Variants in ROBO2 observed in about 807,000 individuals in gnomAD.
ROBO2 encodes the protein roundabout homolog 2.
Under a neutral mutation model 160.8 loss-of-function variants are expected in ROBO2, and 53 were observed. The observed-to-expected ratio is 0.33, with a 90% CI of 0.26 to 0.41. The LOEUF (loss-of-function observed/expected upper bound fraction) is 0.41, where lower values mean the gene tolerates loss of function less well. ROBO2 is among the 10% of genes least tolerant of loss of function. The pLI is 1.00. For synonymous variants in ROBO2, 664 were observed against 611.7 expected (o/e 1.09, Z -1.26); for missense variants, 1,577 against 1,722.4 (o/e 0.92, Z 1.49).
intron 2 of ROBO2, among the ~76,000 whole-genome samples, chr3:77,330,260 G>C (rs1163338433): frequency 1.3e-5 from 2 of 152,216 alleles, no homozygotes; most frequent in South Asian, 2.1e-4. Context: ...GCTCATGCCT[G>C]TAATCCCAGC....
At chr3:76,829,576 C>CAGAGA (rs535454666) in intron 2 of ROBO2, among the ~76,000 whole-genome samples, 1,530 of 152,168 alleles carry the variant, frequency 0.01, 23 homozygotes, top group African/African-American at 0.035. Context: ...GGTTTCTTCT[C>CAGAGA]AGACTCTTCT....
chr3:77,218,952 T>C (rs1028386223), intron 2 of ROBO2, among the ~76,000 whole-genome samples: 2 of 152,052 alleles, frequency 1.3e-5, no homozygotes, highest in Non-Finnish European at 2.9e-5. Context: ...TTTAGCAGTA[T>C]GTTTGATCGA....
chr3:77,199,563 ATTC>A (rs1560215913), intron 2 of ROBO2, among the ~76,000 whole-genome samples: 1 of 151,110 alleles, frequency 6.6e-6, no homozygotes, highest in Non-Finnish European at 1.5e-5. Flanking sequence ...TGATTCATCT[ATTC>A]ATAGCGGACA....
At chr3:77,242,017 G>A (rs2089121244) in intron 2 of ROBO2, among the ~76,000 whole-genome samples, 1 of 152,102 alleles carries the variant, frequency 6.6e-6, no homozygotes, top group Non-Finnish European at 1.5e-5. Context: ...CTAATATGCG[G>A]GAAATAAGCT....
At chr3:76,068,335 G>C (rs2068331326) in intron 2 of ROBO2, among the ~76,000 whole-genome samples, 2 of 152,116 alleles carry the variant, frequency 1.3e-5, no homozygotes, top group South Asian at 2.1e-4. Context: ...TAACATCTCA[G>C]GCTTTTACTT....
intron 2 of ROBO2, among the ~76,000 whole-genome samples, chr3:76,603,206 C>G (rs2108972354): frequency 6.6e-6 from 1 of 150,784 alleles, no homozygotes; most frequent in South Asian, 2.1e-4. Context: ...GTGGTGGGTA[C>G]CTGTAGTCCC....
intron 2 of ROBO2, among the ~76,000 whole-genome samples, chr3:77,221,850 T>TTTCC (rs1253978926): frequency 2.1e-5 from 3 of 146,014 alleles, no homozygotes; most frequent in African/African-American, 7.6e-5. Context: ...TTCTTTTTCT[T>TTTCC]TTTCTTTTTT....
At chr3:77,058,052 G>A (rs994867362) in intron 1 of ROBO2, among the ~76,000 whole-genome samples, 1 of 152,104 alleles carries the variant, frequency 6.6e-6, no homozygotes, top group African/African-American at 2.4e-5. Flanking sequence ...TGGGGTGTAT[G>A]TGTTGTTTTT....
intron 8 of ROBO2, among the ~76,000 whole-genome samples, chr3:77,555,971 A>G (rs1478007018): frequency 6.6e-6 from 1 of 151,934 alleles, no homozygotes; most frequent in Admixed American, 6.6e-5. Flanking sequence ...AACAGAAAGA[A>G]AAAAACTAAT....
chr3:76,155,908 G>T (rs1264356937), intron 2 of ROBO2, among the ~76,000 whole-genome samples: 2 of 152,094 alleles, frequency 1.3e-5, no homozygotes, highest in East Asian at 3.9e-4. Flanking sequence ...CAACCCCTTT[G>T]TCTGTAGGCA....
chr3:77,508,839 C>G (rs914063276), intron 5 of ROBO2, among the ~76,000 whole-genome samples: 1 of 151,960 alleles, frequency 6.6e-6, no homozygotes, highest in Non-Finnish European at 1.5e-5. Flanking sequence ...AGACCTTGCT[C>G]TTTTTTTACC....
chr3:76,034,360 T>G (rs1490079511), intron 2 of ROBO2, among the ~76,000 whole-genome samples: 1 of 152,196 alleles, frequency 6.6e-6, no homozygotes, highest in Non-Finnish European at 1.5e-5. Flanking sequence ...GCTGGTTAAT[T>G]CAGAAGGACT....
chr3:76,880,421 T>C (rs1295188261), intron 2 of ROBO2, among the ~76,000 whole-genome samples: 1 of 152,116 alleles, frequency 6.6e-6, no homozygotes, highest in Admixed American at 6.5e-5. Flanking sequence ...CATATTTCAG[T>C]GTGTAGGCAA....
intron 2 of ROBO2, among the ~76,000 whole-genome samples, chr3:76,767,882 G>A (rs895990985): frequency 1.3e-5 from 2 of 151,394 alleles, no homozygotes; most frequent in African/African-American, 4.8e-5. Context: ...TCACTATTTT[G>A]TGGACATTAA....
chr3:76,281,454 G>GA (rs769389662), intron 2 of ROBO2, among the ~76,000 whole-genome samples: 5 of 151,800 alleles, frequency 3.3e-5, no homozygotes, highest in Non-Finnish European at 7.4e-5. Context: ...TATAGAGTTG[G>GA]AAAACATCAA....
At chr3:76,411,020 T>A (rs1287630545) in intron 2 of ROBO2, among the ~76,000 whole-genome samples, 1 of 151,782 alleles carries the variant, frequency 6.6e-6, no homozygotes, top group Non-Finnish European at 1.5e-5. Context: ...GGACCTGGAT[T>A]TTTTTTTAAT....
chr3:76,648,682 A>G (rs1395964980), intron 2 of ROBO2, among the ~76,000 whole-genome samples: 1 of 152,158 alleles, frequency 6.6e-6, no homozygotes, highest in East Asian at 1.9e-4. Flanking sequence ...ATATGAGGTC[A>G]GGTATCAATG....
chr3:76,796,213 C>A (rs903428172), intron 2 of ROBO2, among the ~76,000 whole-genome samples: 10 of 152,050 alleles, frequency 6.6e-5, no homozygotes, highest in Non-Finnish European at 1.3e-4. Context: ...CAGGCATTAA[C>A]TTCTTTCTAG....
intron 2 of ROBO2, among the ~76,000 whole-genome samples, chr3:76,866,929 A>G (rs948173588): frequency 4.6e-5 from 7 of 152,124 alleles, no homozygotes; most frequent in Admixed American, 1.3e-4. Flanking sequence ...TTAATGAACT[A>G]TATGTTAATT....
Sources: allele counts gnomAD v4.1 joint callset (sites outside exome capture counted in the v4.1 genomes callset), GRCh38; gene constraint gnomAD v4.1.1; transcripts MANE v1.5; gene names NCBI Gene and HGNC (gene_info 2026-07-23, HGNC 2026-07-21).